ARL8A: variants seen among roughly 807,000 people sequenced by gnomAD.
The protein encoded by ARL8A is ADP-ribosylation factor-like protein 8A.
A neutral mutation model predicts 31.2 loss-of-function variants in ARL8A; 10 were observed. The ratio of observed to expected loss-of-function variants is 0.32; its 90% CI spans 0.20 to 0.54. The LOEUF (loss-of-function observed/expected upper bound fraction) is 0.54. Among genes scored for constraint, ARL8A ranks in the 20% least tolerant of loss-of-function variants. The probability of loss-of-function intolerance (pLI) is 0.93; values close to 1 mark genes in which losing one functional copy is unlikely to be tolerated. For missense variants in ARL8A, 129 were observed against 242.8 expected (o/e 0.53, Z 3.12); for synonymous variants, 70 against 86.9 (o/e 0.81, Z 1.08).
chr1:202,135,902 C>G lies in ARL8A; in HGVS notation c.279-102G>C. The stretch of plus-strand genomic sequence containing the variant: ...TGCTTGGAGGTGAAAGCATCTGTTG[C>G]AGCTTGGTCACCTCGGGATCCATGG... On this transcript the variant is annotated intron_variant, in intron 3 of 6. Transcript: ENST00000272217. The surrounding 1 kb of genome is among the most constrained non-coding windows in gnomAD (Gnocchi z 5.3). The G allele has an allele frequency of 1.8e-6, 2 of 1,121,958 alleles. No homozygotes were observed. The highest frequency in any genetic ancestry group is 2.7e-6 in the Non-Finnish European group (2 of 749,406). The allele number at this position is 1,121,958 out of a possible 1,614,324, so 69.5% of individuals were successfully genotyped here. A position where few individuals can be genotyped will look rare whatever the true frequency, so the allele number is the denominator to read the frequency against.
intron 1 of ARL8A, among the ~76,000 whole-genome samples, chr1:202,142,146 C>T (rs1049736321): frequency 6.6e-6 from 1 of 152,184 alleles, no homozygotes; most frequent in Non-Finnish European, 1.5e-5. Flanking sequence ...GGATTACAGG[C>T]GTGAGCCACC....
At position 202,138,163 on chromosome 1, in the gene ARL8A, TC is replaced by T; in HGVS notation, c.205-126del. On this transcript the variant is annotated intron_variant, in intron 2 of 6. Transcript: ENST00000272217. The surrounding 1 kb of genome is among the most constrained non-coding windows in gnomAD (Gnocchi z 4.4). ...GCCTCCCCGGCTTCCTCTCCAGTTC[TC>T]CCCCGTCTCCACCCGCTCTCCGTCT... 3 of 1,203,360 alleles carry T rather than the reference TC, an allele frequency of 2.5e-6. No homozygotes were observed. Among genetic ancestry groups the T allele is most frequent in the South Asian group, 2.6e-5 (2 of 77,142 alleles). The allele number at this position is 1,203,360 out of a possible 1,614,324, so 74.5% of individuals were successfully genotyped here.
chr1:202,137,915 TA>T (rs762794239), intron 3 of ARL8A, 49 bp downstream of exon 3: 44 of 1,604,980 alleles, frequency 2.7e-5, no homozygotes, highest in South Asian at 7.7e-5. Context: ...GTAGCAGGGC[TA>T]GGGGGGCCGG....
In ARL8A at chr1:202,135,240, AGT is replaced by A; in HGVS notation, c.441-22_441-21del. On this transcript the variant is annotated intron_variant, in intron 5 of 6. Coordinates refer to ENST00000272217, the MANE Select transcript of ARL8A (RefSeq NM_138795.4). This position sits in a 1 kb window ranked among gnomAD's most constrained non-coding sequence, Gnocchi z 5.3. The stretch of plus-strand genomic sequence containing the variant: ...AGATTCCTGGGGGAAACCAGAGTAG[AGT>A]CCGCTGAGGCTACGAACGTCCAGGG... 2 of 1,609,822 alleles carry A rather than the reference AGT, an allele frequency of 1.2e-6. No individual in the cohort carries two copies. The highest frequency in any genetic ancestry group is 1.7e-6 in the Non-Finnish European group (2 of 1,176,080).
chr1:202,134,166 CG>C lies in ARL8A; in HGVS notation c.*300del. On this transcript the variant is annotated 3_prime_UTR_variant, in exon 7 of 7. Transcript: ENST00000272217. This position sits in a 1 kb window ranked among gnomAD's most constrained non-coding sequence, Gnocchi z 4.2. ...TGAAAAGGGAGGTACAAGAGCGGGC[CG>C]GGGAAAAGCCAGGGGCGGGGGCTGT... is the stretch of plus-strand genomic sequence containing the variant. 2 of 447,462 alleles carry C rather than the reference CG, an allele frequency of 4.5e-6. No individual in the cohort carries two copies. Among genetic ancestry groups the C allele is most frequent in the Non-Finnish European group, 4.1e-6 (1 of 244,402 alleles). The allele number at this position is 447,462 out of a possible 1,614,324, so 27.7% of individuals were successfully genotyped here.
chr1:202,144,737 C>A lies in ARL8A; in HGVS notation c.-165G>T. On this transcript the variant is annotated 5_prime_UTR_variant, in exon 1 of 7. Transcript: ENST00000272217. This position sits in a 1 kb window ranked among gnomAD's most constrained non-coding sequence, Gnocchi z 5.2. ...ACGACTCGCTGCCCCGGAATCGGCTCGCCGATGGGTGTGGCTTCCGCGCCC... is the reference window on the plus strand; with the variant it reads ...ACGACTCGCTGCCCCGGAATCGGCTAGCCGATGGGTGTGGCTTCCGCGCCC... 5 of 713,556 alleles carry A rather than the reference C, an allele frequency of 7.0e-6. No homozygotes were observed. The highest frequency in any genetic ancestry group is 1.2e-4 in the South Asian group (2 of 16,358). 44.2% of individuals were successfully genotyped at this position (713,556 alleles called of 1,614,324 possible). A position where few individuals can be genotyped will look rare whatever the true frequency, so the allele number is the denominator to read the frequency against.
rs1558305045 is a variant in ARL8A at position 202,134,251 on chromosome 1, G to A, written c.*216C>T. ...GTGATGGGACAAAGGCAGCGGGGAAGGGTGAGAAGTTAGGGGACCAGAATG... is the reference window on the plus strand; with the variant it reads ...GTGATGGGACAAAGGCAGCGGGGAAAGGTGAGAAGTTAGGGGACCAGAATG... On this transcript the variant is annotated 3_prime_UTR_variant, in exon 7 of 7. Transcript: ENST00000272217. The surrounding 1 kb of genome is among the most constrained non-coding windows in gnomAD (Gnocchi z 4.2). 2 of 561,830 alleles carry A rather than the reference G, an allele frequency of 3.6e-6. No individual in the cohort carries two copies. Among genetic ancestry groups the A allele is most frequent in the Non-Finnish European group, 6.4e-6 (2 of 312,826 alleles). 34.8% of individuals were successfully genotyped at this position (561,830 alleles called of 1,614,324 possible).
chr1:202,138,595 G>A lies in ARL8A; in HGVS notation c.124-147C>T. 1.4e-6 allele frequency: 1 copy of A among 723,398 alleles called. No individual in the cohort carries two copies. Among genetic ancestry groups the A allele is most frequent in the South Asian group, 1.8e-5 (1 of 56,494 alleles). The allele number at this position is 723,398 out of a possible 1,614,324, so 44.8% of individuals were successfully genotyped here. On this transcript the variant is annotated intron_variant, in intron 1 of 6. Coordinates refer to ENST00000272217, the MANE Select transcript of ARL8A (RefSeq NM_138795.4). This position sits in a 1 kb window ranked among gnomAD's most constrained non-coding sequence, Gnocchi z 4.4. ...TACTCTTGCACATCCTGTGCTTTCA[G>A]GCAGGATGGGCTATCACCAACCTAT...
chr1:202,135,094 A>T lies in ARL8A; in HGVS notation c.511+56T>A. 1 of 1,532,134 alleles carries T rather than the reference A, an allele frequency of 6.5e-7. No individual in the cohort carries two copies. Among genetic ancestry groups the T allele is most frequent in the Non-Finnish European group, 9.0e-7 (1 of 1,105,918 alleles). 94.9% of individuals were successfully genotyped at this position (1,532,134 alleles called of 1,614,324 possible). On this transcript the variant is annotated intron_variant, in intron 6 of 6. Coordinates refer to ENST00000272217, the MANE Select transcript of ARL8A (RefSeq NM_138795.4). The surrounding 1 kb of genome is among the most constrained non-coding windows in gnomAD (Gnocchi z 5.3). ...GTTGTGGAGCGAGAACCTGAGAGCC[A>T]CTAAAACACTCAGAAATGCCTCTCC...
chr1:202,144,232 C>T lies in ARL8A; in HGVS notation c.123+218G>A, dbSNP rs952584623. Among the ~76,000 whole-genome samples, 5 of 152,032 alleles carry T rather than the reference C, an allele frequency of 3.3e-5. No homozygotes were observed. Among genetic ancestry groups the T allele is most frequent in the Admixed American group, 1.3e-4 (2 of 15,272 alleles). ...TCCCCTGCCCCCAGCCGTGCAGTAC[C>T]GGCCCGGGTGAGAGAGCGGGTCGCG... is the stretch of plus-strand genomic sequence containing the variant. On this transcript the variant is annotated intron_variant, in intron 1 of 6. Transcript: ENST00000272217. The surrounding 1 kb of genome is among the most constrained non-coding windows in gnomAD (Gnocchi z 5.2).
At chr1:202,141,903 T>C (rs1461169338) in intron 1 of ARL8A, among the ~76,000 whole-genome samples, 4 of 152,022 alleles carry the variant, frequency 2.6e-5, no homozygotes, top group African/African-American at 9.6e-5. Flanking sequence ...TCGCTCTTGT[T>C]GCCCAGGCTG....
At chr1:202,142,146 C>G (rs1049736321) in intron 1 of ARL8A, among the ~76,000 whole-genome samples, 19 of 152,184 alleles carry the variant, frequency 1.2e-4, no homozygotes, top group African/African-American at 4.3e-4. Context: ...GGATTACAGG[C>G]GTGAGCCACC....
chr1:202,143,396 C>A (rs1031667881), intron 1 of ARL8A, among the ~76,000 whole-genome samples: 28 of 152,184 alleles, frequency 1.8e-4, no homozygotes, highest in African/African-American at 6.8e-4. Context: ...CCTCTGCTGA[C>A]CTATCTCATC....
At position 202,138,343 on chromosome 1, in the gene ARL8A, AC is replaced by A. The variant is rs753019266; in HGVS notation, c.204+24del. The A allele has an allele frequency of 1.3e-6, 2 of 1,598,040 alleles. No homozygotes were observed. Among genetic ancestry groups the A allele is most frequent in the Non-Finnish European group, 1.7e-6 (2 of 1,167,004 alleles). ...CACACACACAAAAACAGTCCTCTGC[AC>A]CCCCCAAGCTTCTGGGCCCTCACCT... On this transcript the variant is annotated intron_variant, in intron 2 of 6. Coordinates refer to ENST00000272217, the MANE Select transcript of ARL8A (RefSeq NM_138795.4). The surrounding 1 kb of genome is among the most constrained non-coding windows in gnomAD (Gnocchi z 4.4).
Position 202,134,605 on chromosome 1 carries a change from G to A in ARL8A, c.512-89C>T. On this transcript the variant is annotated intron_variant, in intron 6 of 6. Transcript: ENST00000272217. The surrounding 1 kb of genome is among the most constrained non-coding windows in gnomAD (Gnocchi z 4.2). ...GAGGCCCAAGAAACCAAACCTAAGG[G>A]TATCAGAAGTCCAGAGATGCCAGGA... 8.1e-7 allele frequency: 1 copy of A among 1,229,730 alleles called. No individual in the cohort carries two copies. The highest frequency in any genetic ancestry group is 1.2e-5 in the South Asian group (1 of 82,966). 76.2% of individuals were successfully genotyped at this position (1,229,730 alleles called of 1,614,324 possible).
intron 1 of ARL8A, among the ~76,000 whole-genome samples, chr1:202,143,918 A>T (rs1212604927): frequency 2.6e-5 from 4 of 152,026 alleles, no homozygotes; most frequent in Non-Finnish European, 5.9e-5. Context: ...ACCCCGGGGG[A>T]TACCTCCCCT....
rs996574830 is a variant in ARL8A, at chr1:202,135,917, G to A, written c.279-117C>T. The A allele has an allele frequency of 1.6e-5, 14 of 897,374 alleles. No individual in the cohort carries two copies. Among genetic ancestry groups the A allele is most frequent in the Admixed American group, 1.2e-4 (6 of 49,700 alleles). The allele number at this position is 897,374 out of a possible 1,614,324, so 55.6% of individuals were successfully genotyped here. A position where few individuals can be genotyped will look rare whatever the true frequency, so the allele number is the denominator to read the frequency against. ...GCATCTGTTGCAGCTTGGTCACCTC[G>A]GGATCCATGGGCTACCTGGCCTGGC... On this transcript the variant is annotated intron_variant, in intron 3 of 6. Transcript: ENST00000272217. This position sits in a 1 kb window ranked among gnomAD's most constrained non-coding sequence, Gnocchi z 5.3.
chr1:202,135,280 G>A lies in ARL8A; in HGVS notation c.441-60C>T. ...CGAACGTCCAGGGGGCCTGGGGCTA[G>A]GGGACAGCGGGGCCTTTTTCTTACC... is the stretch of plus-strand genomic sequence containing the variant. On this transcript the variant is annotated intron_variant, in intron 5 of 6. Transcript: ENST00000272217. This position sits in a 1 kb window ranked among gnomAD's most constrained non-coding sequence, Gnocchi z 5.3. 1.9e-6 allele frequency: 3 copies of A among 1,538,582 alleles called. No individual in the cohort carries two copies. Among genetic ancestry groups the A allele is most frequent in the South Asian group, 1.1e-5 (1 of 89,434 alleles).
Position 202,135,092 on chromosome 1 carries a change from C to G in ARL8A, c.511+58G>C, listed in dbSNP as rs1654968403. ...AAGTTGTGGAGCGAGAACCTGAGAG[C>G]CACTAAAACACTCAGAAATGCCTCT... On this transcript the variant is annotated intron_variant, in intron 6 of 6. Coordinates refer to ENST00000272217, the MANE Select transcript of ARL8A (RefSeq NM_138795.4). This position sits in a 1 kb window ranked among gnomAD's most constrained non-coding sequence, Gnocchi z 5.3. The G allele has an allele frequency of 6.6e-7, 1 of 1,510,924 alleles. No homozygotes were observed. The highest frequency in any genetic ancestry group is 2.3e-5 in the East Asian group (1 of 44,402). 93.6% of individuals were successfully genotyped at this position (1,510,924 alleles called of 1,614,324 possible).
Sources: allele counts gnomAD v4.1 joint callset (sites outside exome capture counted in the v4.1 genomes callset), GRCh38; gene constraint gnomAD v4.1.1; non-coding constraint Gnocchi (gnomAD v3.1); transcripts MANE v1.5; gene names NCBI Gene and HGNC (gene_info 2026-07-23, HGNC 2026-07-21).